Variants in ADGB observed in about 807,000 individuals in gnomAD.
The protein encoded by ADGB is calpain-7-like protein.
A neutral mutation model predicts 210.5 loss-of-function variants in ADGB; 172 were observed. The observed-to-expected ratio is 0.82, with a 90% CI of 0.72 to 0.93. The LOEUF (loss-of-function observed/expected upper bound fraction) is 0.93. ADGB is among the 40% of genes least tolerant of loss of function. The pLI is 0.00. For missense variants in ADGB, 2,025 were observed against 1,964.8 expected (o/e 1.03, Z -0.58); for synonymous variants, 658 against 662.7 (o/e 0.99, Z 0.11).
chr6:146,778,334 A>G (rs1029503315), intron 29 of ADGB, among the ~76,000 whole-genome samples: 1 of 152,100 alleles, frequency 6.6e-6, no homozygotes, highest in African/African-American at 2.4e-5. Flanking sequence ...AGCAGCACTG[A>G]GTTTGCTTTT....
intron 20 of ADGB, 113 bp downstream of exon 20, chr6:146,728,854 A>T: frequency 1.1e-6 from 1 of 895,450 alleles, no homozygotes; most frequent in Non-Finnish European, 1.6e-6. Flanking sequence ...TTGGATGGAG[A>T]TAATATATTT....
In ADGB at chr6:146,664,229, A is replaced by G; in HGVS notation, c.641A>G (p.Asp214Gly). ...TGCTGGAGAAAGATAACAATTGATGACTTTTTGCCTTTTGATGAAGATAAC... is the reference window on the plus strand; with the variant it reads ...TGCTGGAGAAAGATAACAATTGATGGCTTTTTGCCTTTTGATGAAGATAAC... ...MGCWRKITIDDFLPFDEDNNL... is the reference protein window; with the variant it reads ...MGCWRKITIDGFLPFDEDNNL... The change falls in exon 6 of 36, where the codon GAC becomes GGC. Residue 214 changes from aspartate (D) to glycine (G), a missense_variant. Physicochemically the swap from Asp to Gly is moderately conservative, Grantham distance 94 (BLOSUM62 -1). Transcript: ENST00000397944. 6.5e-7 allele frequency: 1 copy of G among 1,547,774 alleles called. No homozygotes were observed. The highest frequency in any genetic ancestry group is 8.7e-7 in the Non-Finnish European group (1 of 1,145,144).
intron 9 of ADGB, among the ~76,000 whole-genome samples, chr6:146,681,464 T>A (rs981145331): frequency 6.6e-6 from 1 of 152,154 alleles, no homozygotes; most frequent in Admixed American, 6.6e-5. Flanking sequence ...CAGGTATCTC[T>A]TTATAGCCAT....
intron 9 of ADGB, among the ~76,000 whole-genome samples, chr6:146,683,846 T>C (rs544480450): frequency 4.6e-5 from 7 of 152,202 alleles, no homozygotes; most frequent in Admixed American, 1.3e-4. Context: ...ACAAAGTACT[T>C]AATGTGATAA....
intron 5 of ADGB, among the ~76,000 whole-genome samples, chr6:146,659,353 T>C (rs1210851698): frequency 2.0e-5 from 3 of 152,210 alleles, no homozygotes. Flanking sequence ...TCTTTCCCGT[T>C]TCCCATCTTA....
intron 5 of ADGB, among the ~76,000 whole-genome samples, chr6:146,662,586 ATAAT>A (rs1399564044): frequency 6.6e-6 from 1 of 152,062 alleles, no homozygotes; most frequent in African/African-American, 2.4e-5. Context: ...TTCTTATTTA[ATAAT>A]TCTAATTTCT....
chr6:146,602,535 T>A (rs1173228692), intron 1 of ADGB, among the ~76,000 whole-genome samples: 1 of 152,256 alleles, frequency 6.6e-6, no homozygotes, highest in Non-Finnish European at 1.5e-5. Flanking sequence ...TTTGAGCTGC[T>A]GTAACAGAAT....
intron 1 of ADGB, among the ~76,000 whole-genome samples, chr6:146,626,798 A>G (rs992493271): frequency 6.6e-6 from 1 of 151,264 alleles, no homozygotes; most frequent in Non-Finnish European, 1.5e-5. Flanking sequence ...TTAACTCTGT[A>G]GGTTTATAGT....
intron 3 of ADGB, among the ~76,000 whole-genome samples, chr6:146,653,329 G>A (rs1291775103): frequency 6.6e-6 from 1 of 152,094 alleles, no homozygotes; most frequent in Admixed American, 6.6e-5. Context: ...TAATGTGCTT[G>A]AATCATCCCC....
Position 146,598,976 on chromosome 6 carries a change from G to A in ADGB, c.-65G>A. ...GACGCCGTCTCCTGGCAACGCAGAC[G>A]CGGAGCCGAGCGCGCCCGCAGGCTC... On this transcript the variant is annotated 5_prime_UTR_variant, in exon 1 of 36. Transcript: ENST00000397944. 2.1e-6 allele frequency: 3 copies of A among 1,436,584 alleles called. No individual in the cohort carries two copies. Among genetic ancestry groups the A allele is most frequent in the Non-Finnish European group, 1.9e-6 (2 of 1,044,202 alleles). The allele number at this position is 1,436,584 out of a possible 1,614,324, so 89.0% of individuals were successfully genotyped here. A position where few individuals can be genotyped will look rare whatever the true frequency, so the allele number is the denominator to read the frequency against.
intron 29 of ADGB, among the ~76,000 whole-genome samples, chr6:146,781,055 C>A (rs553522017): frequency 6.6e-6 from 1 of 151,190 alleles, no homozygotes; most frequent in East Asian, 1.9e-4. Context: ...AGGCCGGGCG[C>A]GGTAGCTCAC....
At chr6:146,669,836 A>C (rs1188494407) in intron 7 of ADGB, among the ~76,000 whole-genome samples, 1 of 152,080 alleles carries the variant, frequency 6.6e-6, no homozygotes, top group African/African-American at 2.4e-5. Flanking sequence ...TAGCTATGTG[A>C]ATGTCAAAAG....
intron 35 of ADGB, among the ~76,000 whole-genome samples, chr6:146,809,949 TAAAC>T (rs1778279962): frequency 6.6e-6 from 1 of 151,250 alleles, no homozygotes; most frequent in African/African-American, 2.4e-5. Flanking sequence ...AAAGCAAACA[TAAAC>T]AAGTAGGACT....
chr6:146,613,260 G>A (rs1780739203), intron 1 of ADGB, among the ~76,000 whole-genome samples: 1 of 152,148 alleles, frequency 6.6e-6, no homozygotes, highest in African/African-American at 2.4e-5. Flanking sequence ...ACGTAACACA[G>A]CATGACTTTA....
chr6:146,801,662 C>G (rs947390910), intron 34 of ADGB, among the ~76,000 whole-genome samples, 166 bp from the exon 35 acceptor site: 1 of 152,136 alleles, frequency 6.6e-6, no homozygotes, highest in Non-Finnish European at 1.5e-5. Context: ...ATAAATGGAG[C>G]ATAGCATATC....
chr6:146,609,865 C>T (rs1473742747), intron 1 of ADGB, among the ~76,000 whole-genome samples: 3 of 152,084 alleles, frequency 2.0e-5, no homozygotes, highest in East Asian at 1.9e-4. Flanking sequence ...TGGGCCAGAG[C>T]CTTTTCTGGT....
intron 27 of ADGB, among the ~76,000 whole-genome samples, chr6:146,763,632 G>A (rs1372695345): frequency 5.3e-5 from 8 of 152,064 alleles, no homozygotes; most frequent in Non-Finnish European, 5.9e-5. Flanking sequence ...CATTCAAGTG[G>A]CACAAAATAA....
intron 33 of ADGB, among the ~76,000 whole-genome samples, chr6:146,794,589 G>A (rs1394462630): frequency 6.6e-6 from 1 of 151,858 alleles, no homozygotes; most frequent in Admixed American, 6.6e-5. Flanking sequence ...AAATATTACT[G>A]TGGCCTATTA....
chr6:146,808,344 A>G (rs1402499598), intron 35 of ADGB, among the ~76,000 whole-genome samples: 2 of 152,174 alleles, frequency 1.3e-5, no homozygotes, highest in African/African-American at 4.8e-5. Flanking sequence ...AACCTCCTTC[A>G]TAGACCAAGA....
Sources: gnomAD v4.1 joint callset for allele counts (sites outside exome capture counted in the v4.1 genomes callset) on GRCh38, gnomAD v4.1.1 for gene constraint, MANE v1.5 for transcripts, NCBI Gene and HGNC (gene_info 2026-07-23, HGNC 2026-07-21) for gene names.